Variants in PTPRD observed in about 807,000 individuals in gnomAD.
The protein encoded by PTPRD is receptor-type tyrosine-protein phosphatase delta.
In PTPRD, 34 loss-of-function variants were observed where a neutral mutation model predicts 214.5. That is an observed-to-expected ratio of 0.16 (90% confidence interval 0.12 to 0.21). The LOEUF (loss-of-function observed/expected upper bound fraction) is 0.21. Ranked by LOEUF, PTPRD falls within the 10% of genes least tolerant of loss-of-function variation. PTPRD has a pLI of 1.00. For missense variants in PTPRD, 2,545 were observed against 2,398.7 expected (o/e 1.06, Z -1.27); for synonymous variants, 1,128 against 845.7 (o/e 1.33, Z -5.79).
intron 9 of PTPRD, among the ~76,000 whole-genome samples, chr9:9,372,559 C>G (rs1052588800): frequency 3.3e-5 from 5 of 152,090 alleles, no homozygotes; most frequent in Non-Finnish European, 5.9e-5. Context: ...GGTCTTGACT[C>G]TTTATCCCAT....
intron 5 of PTPRD, among the ~76,000 whole-genome samples, chr9:9,916,548 T>C (rs950752204): frequency 1.3e-5 from 2 of 151,962 alleles, no homozygotes; most frequent in African/African-American, 4.8e-5. Context: ...CATGTATGTA[T>C]ACATATATAC....
At chr9:10,319,080 A>G (rs1237407103) in intron 3 of PTPRD, among the ~76,000 whole-genome samples, 1 of 152,090 alleles carries the variant, frequency 6.6e-6, no homozygotes, top group Non-Finnish European at 1.5e-5. Context: ...TTCATTATAG[A>G]AAAATAGAAA....
chr9:10,225,867 A>G lies in PTPRD; in HGVS notation c.-545+115096T>C, dbSNP rs191685262. Among the ~76,000 whole-genome samples the G allele has an allele frequency of 9.9e-5, 15 of 152,206 alleles. No homozygotes were observed. The East Asian group carries it at 2.5e-3, about 26-fold the overall frequency. On this transcript the variant is annotated intron_variant, in intron 3 of 45. Coordinates refer to ENST00000381196, the MANE Select transcript of PTPRD (RefSeq NM_002839.4). Reference sequence around the variant, plus strand: ...CATCTTTATCCATCAACATAGATCAATCTAATTTAGCCAATGAGAGCAAAC... The same window carrying G: ...CATCTTTATCCATCAACATAGATCAGTCTAATTTAGCCAATGAGAGCAAAC...
intron 3 of PTPRD, among the ~76,000 whole-genome samples, chr9:10,108,360 A>G (rs2098655993): frequency 6.6e-6 from 1 of 152,058 alleles, no homozygotes. Context: ...TTTCAAGTGT[A>G]CAGTATATTG....
At chr9:10,313,655 G>A (rs1027035552) in intron 3 of PTPRD, among the ~76,000 whole-genome samples, 3 of 151,896 alleles carry the variant, frequency 2.0e-5, no homozygotes, top group African/African-American at 2.4e-5. Context: ...AAATCTACAT[G>A]TATAGCCATT....
intron 2 of PTPRD, among the ~76,000 whole-genome samples, chr9:10,568,121 C>G (rs958147674): frequency 1.4e-5 from 2 of 146,142 alleles, no homozygotes; most frequent in Admixed American, 6.9e-5. Context: ...CCCCCCTCCC[C>G]CCAGCCCACA....
rs115538817 is a variant in PTPRD, at chr9:10,149,060, A to T, written c.-544-115270T>A. ...AGTTCATTCATAATAGAAGGACATG[A>T]GAATATATGATTCACATTCAAATGA... On this transcript the variant is annotated intron_variant, in intron 3 of 45. Coordinates refer to ENST00000381196, the MANE Select transcript of PTPRD (RefSeq NM_002839.4). Among the ~76,000 whole-genome samples, 1,002 of 152,304 alleles carry T rather than the reference A, an allele frequency of 6.6e-3. 12 individuals carry two copies. Among genetic ancestry groups the T allele is most frequent in the African/African-American group, 0.023 (946 of 41,568 alleles).
chr9:8,450,625 T>C (rs2095900472), intron 33 of PTPRD, among the ~76,000 whole-genome samples: 1 of 152,204 alleles, frequency 6.6e-6, no homozygotes, highest in Non-Finnish European at 1.5e-5. Flanking sequence ...ACACAATACA[T>C]TTTAACTTTG....
chr9:10,438,847 TA>T (rs2098739935), intron 2 of PTPRD, among the ~76,000 whole-genome samples: 1 of 151,730 alleles, frequency 6.6e-6, no homozygotes, highest in African/African-American at 2.4e-5. Flanking sequence ...GTTTGATGGG[TA>T]GCTGTCTGCT....
intron 9 of PTPRD, among the ~76,000 whole-genome samples, chr9:9,389,522 T>TA (rs1022161457): frequency 6.6e-6 from 1 of 151,894 alleles, no homozygotes; most frequent in Admixed American, 6.6e-5. Flanking sequence ...ATAATAATAA[T>TA]AAAAAAACAT....
intron 7 of PTPRD, among the ~76,000 whole-genome samples, chr9:9,716,347 A>G (rs1268235508): frequency 1.3e-5 from 2 of 151,620 alleles, no homozygotes; most frequent in Non-Finnish European, 2.9e-5. Context: ...AGCATGATTT[A>G]TAGTCCTTTG....
rs1040296315 is a variant in PTPRD, at chr9:9,701,734, T to G, written c.-287+32799A>C. On this transcript the variant is annotated intron_variant, in intron 7 of 45. Coordinates refer to ENST00000381196, the MANE Select transcript of PTPRD (RefSeq NM_002839.4). ...AAAATTCCTTTTCAAATGAGAAGGA[T>G]GAATATGCTATTAATACAATTTGGG... is the stretch of plus-strand genomic sequence containing the variant. Among the ~76,000 whole-genome samples the G allele has an allele frequency of 2.0e-5, 3 of 152,138 alleles. No individual in the cohort carries two copies. In the East Asian group the frequency reaches 5.8e-4, roughly 29 times the overall value.
At chr9:8,898,161 T>C (rs571000992) in intron 11 of PTPRD, among the ~76,000 whole-genome samples, 1 of 152,342 alleles carries the variant, frequency 6.6e-6, no homozygotes, top group East Asian at 1.9e-4. Flanking sequence ...TCAACTCTTA[T>C]GTATGATTTG....
chr9:9,079,482 T>A (rs1362728558), intron 10 of PTPRD, among the ~76,000 whole-genome samples: 2 of 152,132 alleles, frequency 1.3e-5, no homozygotes, highest in Non-Finnish European at 2.9e-5. Flanking sequence ...TGCAGATGTC[T>A]CTTCGATCTT....
chr9:8,566,224 G>C (rs1421605738), intron 14 of PTPRD, among the ~76,000 whole-genome samples: 1 of 151,028 alleles, frequency 6.6e-6, no homozygotes. Flanking sequence ...TATGAAGAGG[G>C]GTGTATGTAG....
At chr9:8,624,965 G>C (rs2095969550) in intron 14 of PTPRD, among the ~76,000 whole-genome samples, 1 of 151,692 alleles carries the variant, frequency 6.6e-6, no homozygotes, top group Non-Finnish European at 1.5e-5. Flanking sequence ...TTAATGCATT[G>C]TATCTACATA....
chr9:8,994,526 G>C (rs372597384), intron 11 of PTPRD, among the ~76,000 whole-genome samples: 97 of 152,176 alleles, frequency 6.4e-4, no homozygotes, highest in African/African-American at 2.0e-3. Context: ...ATAAATTTGA[G>C]AATATGAAAT....
chr9:10,267,770 C>T (rs572010615), intron 3 of PTPRD, among the ~76,000 whole-genome samples: 18 of 152,058 alleles, frequency 1.2e-4, no homozygotes, highest in African/African-American at 4.1e-4. Flanking sequence ...TTGATAACAA[C>T]AGGAAGACCA....
chr9:9,866,797 A>G (rs1474384536), intron 5 of PTPRD, among the ~76,000 whole-genome samples: 1 of 152,128 alleles, frequency 6.6e-6, no homozygotes, highest in Non-Finnish European at 1.5e-5. Context: ...TTAAGTCTTT[A>G]AGTAGCTTCT....
Sources: allele counts gnomAD v4.1 joint callset (sites outside exome capture counted in the v4.1 genomes callset), GRCh38; gene constraint gnomAD v4.1.1; transcripts MANE v1.5; gene names NCBI Gene and HGNC (gene_info 2026-07-23, HGNC 2026-07-21).